DPP10: variants seen among roughly 807,000 people sequenced by gnomAD.
The protein encoded by DPP10 is dipeptidyl peptidase like 10, also known as inactive dipeptidyl peptidase 10.
In DPP10, 33 loss-of-function variants were observed where a neutral mutation model predicts 120.9. The observed-to-expected ratio is 0.27, with a 90% CI of 0.21 to 0.37. DPP10 has a LOEUF of 0.37. Ranked by LOEUF, DPP10 falls within the 10% of genes least tolerant of loss-of-function variation. DPP10 has a pLI of 1.00. For synonymous variants in DPP10, 337 were observed against 326.1 expected (o/e 1.03, Z -0.36); for missense variants, 816 against 942.8 (o/e 0.87, Z 1.76).
intron 3 of DPP10, among the ~76,000 whole-genome samples, chr2:115,451,302 A>G (rs2073089759): frequency 6.6e-6 from 1 of 151,932 alleles, no homozygotes; most frequent in Admixed American, 6.6e-5. Context: ...GTTTAAATAC[A>G]TATAATTTAT....
At chr2:115,064,863 G>C (rs1706715837) in intron 1 of DPP10, 9 of 1,299,150 alleles carry the variant, frequency 6.9e-6, no homozygotes, top group African/African-American at 1.5e-5. Flanking sequence ...TTCTGATTGG[G>C]TTTCATTTAT....
At chr2:114,901,485 C>T (rs769202207) in intron 1 of DPP10, among the ~76,000 whole-genome samples, 3 of 152,120 alleles carry the variant, frequency 2.0e-5, no homozygotes, top group Non-Finnish European at 4.4e-5. Context: ...AGTGAGCCAC[C>T]GCGCCCGGCC....
At position 114,980,368 on chromosome 2, in the gene DPP10, T is replaced by G. The variant is rs531202012; in HGVS notation, c.61-328871T>G. 1.3e-4 allele frequency among the ~76,000 whole-genome samples: 20 copies of G among 152,196 alleles called. No homozygotes were observed. In the South Asian group the frequency reaches 3.3e-3, roughly 25 times the overall value. On this transcript the variant is annotated intron_variant, in intron 1 of 25. Transcript: ENST00000410059. ...GAATCTGATCTTATTTATCTTTTAA[T>G]AATAATATAGTCACAAATCTTCTGT...
At chr2:114,881,256 A>G (rs1449664283) in intron 1 of DPP10, among the ~76,000 whole-genome samples, 2 of 152,098 alleles carry the variant, frequency 1.3e-5, no homozygotes, top group African/African-American at 2.4e-5. Flanking sequence ...GGCTGGGGCA[A>G]TGGGAGCTAT....
chr2:115,025,780 C>T (rs902240735), intron 1 of DPP10, among the ~76,000 whole-genome samples: 1 of 151,842 alleles, frequency 6.6e-6, no homozygotes, highest in East Asian at 1.9e-4. Context: ...TTTATATATA[C>T]CTCTTGGTCA....
At chr2:114,818,540 T>C (rs1225863707) in intron 1 of DPP10, among the ~76,000 whole-genome samples, 3 of 152,168 alleles carry the variant, frequency 2.0e-5, no homozygotes, top group Non-Finnish European at 4.4e-5. Context: ...CAACTTTTAA[T>C]ACCAAAGTAT....
intron 1 of DPP10, among the ~76,000 whole-genome samples, chr2:114,801,087 C>A (rs1203712362): frequency 6.6e-6 from 1 of 151,276 alleles, no homozygotes; most frequent in African/African-American, 2.4e-5. Flanking sequence ...CACGGTAAAA[C>A]CCCGTCTCTA....
chr2:114,966,794 C>A (rs1328131030), intron 1 of DPP10, among the ~76,000 whole-genome samples: 1 of 152,228 alleles, frequency 6.6e-6, no homozygotes, highest in Non-Finnish European at 1.5e-5. Context: ...GTAATCCCAG[C>A]ACTTTGGGAG....
At chr2:115,530,011 A>T (rs2078365358) in intron 5 of DPP10, among the ~76,000 whole-genome samples, 1 of 152,142 alleles carries the variant, frequency 6.6e-6, no homozygotes, top group African/African-American at 2.4e-5. Flanking sequence ...AAATATAATT[A>T]ACAATATAAA....
chr2:114,787,515 C>G lies in DPP10; in HGVS notation c.60+344677C>G, dbSNP rs184200820. 3.1e-3 allele frequency among the ~76,000 whole-genome samples: 468 copies of G among 152,258 alleles called. 2 individuals carry two copies. The highest frequency in any genetic ancestry group is 0.011 in the African/African-American group (443 of 41,530). The stretch of plus-strand genomic sequence containing the variant: ...AAGTTAAATGCTAATAAACCAATGA[C>G]TGCTTGAATATTATTTGGATTCCTT... On this transcript the variant is annotated intron_variant, in intron 1 of 25. Coordinates refer to ENST00000410059, the MANE Select transcript of DPP10 (RefSeq NM_020868.6).
At chr2:115,840,945 A>C in intron 25 of DPP10, 122 bp downstream of exon 25, 1 of 759,928 alleles carries the variant, frequency 1.3e-6, no homozygotes, top group Non-Finnish European at 2.0e-6. Flanking sequence ...TTTTTTAGTT[A>C]CCAAAGATTG....
At chr2:114,828,425 A>C (rs746089496) in intron 1 of DPP10, 1 of 152,232 alleles carries the variant, frequency 6.6e-6, no homozygotes, top group Non-Finnish European at 1.5e-5. Context: ...TAAACATGAC[A>C]TATTTCTACA....
rs114136650 is a variant in DPP10, at chr2:114,709,142, T to G, written c.60+266304T>G. On this transcript the variant is annotated intron_variant, in intron 1 of 25. Transcript: ENST00000410059. ...CCAATTCCCAGGCTCCTATGTCAGC[T>G]GCTTGCATTTGACCAAAGGGAGGCA... Among the ~76,000 whole-genome samples, 1,348 of 152,288 alleles carry G rather than the reference T, an allele frequency of 8.9e-3. 13 individuals are homozygous for G. The highest frequency in any genetic ancestry group is 0.013 in the Non-Finnish European group (898 of 68,022).
chr2:114,674,879 A>C (rs1271347400), intron 1 of DPP10, among the ~76,000 whole-genome samples: 1 of 152,232 alleles, frequency 6.6e-6, no homozygotes, highest in Non-Finnish European at 1.5e-5. Flanking sequence ...TGAAATTTAG[A>C]AAGTTTAGAT....
intron 5 of DPP10, among the ~76,000 whole-genome samples, chr2:115,606,559 C>T (rs1575318672): frequency 6.6e-6 from 1 of 152,268 alleles, no homozygotes; most frequent in East Asian, 1.9e-4. Context: ...TACTTATAAA[C>T]ACTTGGCTGA....
At chr2:114,510,786 C>T (rs1684079063) in intron 1 of DPP10, among the ~76,000 whole-genome samples, 1 of 152,154 alleles carries the variant, frequency 6.6e-6, no homozygotes, top group Non-Finnish European at 1.5e-5. Flanking sequence ...AGGATTTCTT[C>T]TGGTCTGGAC....
intron 5 of DPP10, among the ~76,000 whole-genome samples, chr2:115,558,166 A>G (rs1247508781): frequency 2.0e-5 from 3 of 152,220 alleles, no homozygotes; most frequent in Non-Finnish European, 4.4e-5. Context: ...TGGCCTCAGC[A>G]TGAACCTGGC....
At chr2:114,743,252 A>G (rs1193735106) in intron 1 of DPP10, among the ~76,000 whole-genome samples, 3 of 152,212 alleles carry the variant, frequency 2.0e-5, no homozygotes, top group Non-Finnish European at 4.4e-5. Flanking sequence ...GGTGTTCAAG[A>G]GTACATCTTT....
intron 1 of DPP10, among the ~76,000 whole-genome samples, chr2:114,797,047 AC>A (rs1417971409): frequency 2.0e-5 from 3 of 152,220 alleles, no homozygotes; most frequent in Non-Finnish European, 4.4e-5. Context: ...AGAATGAGAA[AC>A]AAAAAGCAAG....
Sources: gnomAD v4.1 joint callset for allele counts (sites outside exome capture counted in the v4.1 genomes callset) on GRCh38, gnomAD v4.1.1 for gene constraint, MANE v1.5 for transcripts, NCBI Gene and HGNC (gene_info 2026-07-23, HGNC 2026-07-21) for gene names.